TMEM150C: variants seen among roughly 807,000 people sequenced by gnomAD.
TMEM150C encodes transmembrane protein 150C.
Under a neutral mutation model 29.9 loss-of-function variants are expected in TMEM150C, and 10 were observed. That is an observed-to-expected ratio of 0.33 (90% CI 0.21 to 0.57). The LOEUF is 0.57. Among genes scored for constraint, TMEM150C ranks in the 20% least tolerant of loss-of-function variants. The pLI, the probability that TMEM150C is intolerant of heterozygous loss-of-function variation, is 0.88. For missense variants in TMEM150C, 251 were observed against 303.6 expected (o/e 0.83, Z 1.29); for synonymous variants, 101 against 112.5 (o/e 0.90, Z 0.64).
At chr4:82,495,107 C>G (rs1723500736) in intron 6 of TMEM150C, 1 of 770,878 alleles carries the variant, frequency 1.3e-6, no homozygotes, top group African/African-American at 1.8e-5. Flanking sequence ...TGTTTAAGGG[C>G]TTTCTTACAA....
chr4:82,551,914 C>T (rs72895801), intron 1 of TMEM150C, among the ~76,000 whole-genome samples: 46 of 152,252 alleles, frequency 3.0e-4, no homozygotes, highest in African/African-American at 1.0e-3. Context: ...CCAATGTTAG[C>T]GGTGGGGACT....
chr4:82,559,837 CAGATTGCAGTGAAACCAAATGGCTG>C (rs1301104221), intron 1 of TMEM150C, among the ~76,000 whole-genome samples: 1 of 152,110 alleles, frequency 6.6e-6, no homozygotes, highest in East Asian at 1.9e-4. Flanking sequence ...CCCAAATGGC[CAGATTGCAGTGAAACCAAATGGCTG>C]AGATTGCGGG....
In TMEM150C at chr4:82,492,344, T is replaced by C. The variant is rs145766975; in HGVS notation, c.364-2106A>G. On this transcript the variant is annotated intron_variant, in intron 6 of 7. Transcript: ENST00000449862. ...GGTTTCACCATGTTGACCAGGCTGA[T>C]CTCAAACTCCCAACCTCAGATGATC... 7.5e-3 allele frequency among the ~76,000 whole-genome samples: 1,132 copies of C among 151,312 alleles called. 22 individuals are homozygous for C. The highest frequency in any genetic ancestry group is 0.044 in the South Asian group (213 of 4,796).
chr4:82,519,771 T>C (rs1251092883), intron 1 of TMEM150C, among the ~76,000 whole-genome samples: 1 of 152,192 alleles, frequency 6.6e-6, no homozygotes, highest in Non-Finnish European at 1.5e-5. Flanking sequence ...AAGTTTAATT[T>C]ATAAATTAGG....
chr4:82,514,802 C>A (rs1302878321), intron 1 of TMEM150C, among the ~76,000 whole-genome samples: 1 of 152,100 alleles, frequency 6.6e-6, no homozygotes, highest in Non-Finnish European at 1.5e-5. Flanking sequence ...GACACGATGA[C>A]CGGAAGACAG....
In TMEM150C at chr4:82,542,428, G is replaced by A. The variant is rs149025014; in HGVS notation, c.-11+19478C>T. On this transcript the variant is annotated intron_variant, in intron 1 of 7. Transcript: ENST00000449862. ...TATGTGGCCTTGAATGCCAATCCCTGTAGCTTGGATTTGGTCCTATAAATA... is the reference window on the plus strand; with the variant it reads ...TATGTGGCCTTGAATGCCAATCCCTATAGCTTGGATTTGGTCCTATAAATA... Among the ~76,000 whole-genome samples, 724 of 152,300 alleles carry A rather than the reference G, an allele frequency of 4.8e-3. 12 individuals carry two copies. Among genetic ancestry groups the A allele is most frequent in the African/African-American group, 0.016 (685 of 41,568 alleles).
At chr4:82,529,387 C>T (rs185689869) in intron 1 of TMEM150C, among the ~76,000 whole-genome samples, 1 of 151,912 alleles carries the variant, frequency 6.6e-6, no homozygotes, top group African/African-American at 2.4e-5. Flanking sequence ...TTCCTGGGCT[C>T]AAGCAATCCT....
intron 1 of TMEM150C, among the ~76,000 whole-genome samples, chr4:82,515,505 G>A (rs751282467): frequency 2.0e-5 from 3 of 152,082 alleles, no homozygotes; most frequent in Non-Finnish European, 2.9e-5. Context: ...TTGGGAGGCC[G>A]AGGTGGGCAG....
chr4:82,506,024 C>A (rs891821906), intron 1 of TMEM150C, among the ~76,000 whole-genome samples: 1 of 152,126 alleles, frequency 6.6e-6, no homozygotes, highest in Non-Finnish European at 1.5e-5. Flanking sequence ...GATTAAATGG[C>A]ATCTCTAGGG....
chr4:82,561,425 C>CT (rs1458320491), intron 1 of TMEM150C, among the ~76,000 whole-genome samples: 1 of 152,214 alleles, frequency 6.6e-6, no homozygotes, highest in East Asian at 1.9e-4. Context: ...CCTGACCTGG[C>CT]TAACCGCAAA....
intron 1 of TMEM150C, 124 bp downstream of exon 1, chr4:82,561,782 C>T: frequency 1.4e-6 from 1 of 725,364 alleles, no homozygotes; most frequent in Non-Finnish European, 1.7e-6. Context: ...GCGGACCCAG[C>T]CGCCCCAGCC....
At chr4:82,490,668 C>T (rs973055890) in intron 6 of TMEM150C, among the ~76,000 whole-genome samples, 1 of 152,100 alleles carries the variant, frequency 6.6e-6, no homozygotes, top group African/African-American at 2.4e-5. Flanking sequence ...GGCGTGATCA[C>T]GGCTCCCTGG....
chr4:82,561,709 G>A (rs1725938741), intron 1 of TMEM150C, among the ~76,000 whole-genome samples, 197 bp downstream of exon 1: 1 of 147,158 alleles, frequency 6.8e-6, no homozygotes, highest in Non-Finnish European at 1.5e-5. Context: ...GGGCTCGGGC[G>A]GGCGGCCCCG....
At chr4:82,519,960 G>C (rs1375929030) in intron 1 of TMEM150C, among the ~76,000 whole-genome samples, 1 of 152,136 alleles carries the variant, frequency 6.6e-6, no homozygotes, top group African/African-American at 2.4e-5. Flanking sequence ...GCTGATAAAG[G>C]AGTCTACTGT....
intron 1 of TMEM150C, among the ~76,000 whole-genome samples, chr4:82,518,905 A>G (rs1424517097): frequency 6.6e-6 from 1 of 152,192 alleles, no homozygotes; most frequent in Non-Finnish European, 1.5e-5. Context: ...TCTTCCTTAG[A>G]TAACTATTTA....
chr4:82,555,530 C>T (rs1225035801), intron 1 of TMEM150C, among the ~76,000 whole-genome samples: 1 of 152,188 alleles, frequency 6.6e-6, no homozygotes, highest in Non-Finnish European at 1.5e-5. Flanking sequence ...CCTAAATGTG[C>T]AATGATTCCC....
chr4:82,553,652 A>G (rs1297138442), intron 1 of TMEM150C, among the ~76,000 whole-genome samples: 1 of 152,164 alleles, frequency 6.6e-6, no homozygotes, highest in African/African-American at 2.4e-5. Flanking sequence ...AAAAAAAGTC[A>G]CTCTGAGCCA....
chr4:82,544,659 G>C (rs573362824), intron 1 of TMEM150C, among the ~76,000 whole-genome samples: 3 of 152,274 alleles, frequency 2.0e-5, no homozygotes, highest in African/African-American at 7.2e-5. Context: ...CACACCTGTG[G>C]TCCCAGCTAC....
At chr4:82,486,799 G>A (rs1177235058) in intron 7 of TMEM150C, among the ~76,000 whole-genome samples, 1 of 152,002 alleles carries the variant, frequency 6.6e-6, no homozygotes, top group Admixed American at 6.6e-5. Context: ...TATATGGAGT[G>A]TGTGTATGTG....
Sources: allele counts gnomAD v4.1 joint callset (sites outside exome capture counted in the v4.1 genomes callset), GRCh38; gene constraint gnomAD v4.1.1; transcripts MANE v1.5; gene names NCBI Gene and HGNC (gene_info 2026-07-23, HGNC 2026-07-21).